SKAP1: variants seen among roughly 807,000 people sequenced by gnomAD.
SKAP1 encodes src kinase associated phosphoprotein 1, also known as src kinase-associated phosphoprotein 1.
SKAP1 carries 44 observed loss-of-function variants against 58.5 expected under a neutral mutation model. That is an observed-to-expected ratio of 0.75 (90% confidence interval 0.59 to 0.97). SKAP1 has a LOEUF of 0.97. Ranked by LOEUF, SKAP1 falls within the 50% of genes least tolerant of loss-of-function variation. The pLI, the probability that SKAP1 is intolerant of heterozygous loss-of-function variation, is 0.00. For synonymous variants in SKAP1, 127 were observed against 149.7 expected (o/e 0.85, Z 1.11); for missense variants, 390 against 435.2 (o/e 0.90, Z 0.92).
rs140162968 is a variant in SKAP1, at chr17:48,225,985, A to G, written c.281-36485T>C. ...GATGTCACTTGGGGAGACCCTTAAC[A>G]AGGCGGTTAGTACAACAGCTGCTGC... is the stretch of plus-strand genomic sequence containing the variant. On this transcript the variant is annotated intron_variant, in intron 4 of 12. Coordinates refer to ENST00000336915, the MANE Select transcript of SKAP1 (RefSeq NM_003726.4). 3.3e-5 allele frequency among the ~76,000 whole-genome samples: 5 copies of G among 152,336 alleles called. No individual in the cohort carries two copies. In the East Asian group the frequency reaches 9.6e-4, roughly 29 times the overall value.
chr17:48,359,806 A>T (rs1005514176), intron 3 of SKAP1, among the ~76,000 whole-genome samples: 2 of 151,944 alleles, frequency 1.3e-5, no homozygotes, highest in African/African-American at 4.8e-5. Flanking sequence ...GGGTCTCACC[A>T]TGTTGCCCAG....
At chr17:48,304,796 T>C (rs747970259) in intron 4 of SKAP1, among the ~76,000 whole-genome samples, 14 of 152,226 alleles carry the variant, frequency 9.2e-5, no homozygotes, top group Non-Finnish European at 1.6e-4. Flanking sequence ...AACCCTACCA[T>C]TGGAGCTAGG....
intron 4 of SKAP1, among the ~76,000 whole-genome samples, chr17:48,190,588 C>T (rs1397564841): frequency 6.6e-6 from 1 of 152,034 alleles, no homozygotes; most frequent in Non-Finnish European, 1.5e-5. Flanking sequence ...TTTCTCTTAA[C>T]AAACAGATAG....
At chr17:48,197,660 C>T (rs2064656494) in intron 4 of SKAP1, among the ~76,000 whole-genome samples, 1 of 152,036 alleles carries the variant, frequency 6.6e-6, no homozygotes, top group African/African-American at 2.4e-5. Context: ...GCCTAGGTGG[C>T]AGAACAAGAC....
chr17:48,248,396 A>G (rs1176106029), intron 4 of SKAP1, among the ~76,000 whole-genome samples: 2 of 151,968 alleles, frequency 1.3e-5, no homozygotes, highest in Non-Finnish European at 2.9e-5. Flanking sequence ...GTGAAACTCA[A>G]TTTCTACTAA....
At chr17:48,170,331 T>C (rs1349856146) in intron 10 of SKAP1, among the ~76,000 whole-genome samples, 2 of 152,172 alleles carry the variant, frequency 1.3e-5, no homozygotes, top group Non-Finnish European at 2.9e-5. Flanking sequence ...ATATAAGAAA[T>C]ATTGATAGGA....
rs147594912 is a variant in SKAP1 at position 48,377,728 on chromosome 17, G to A, written c.153-13914C>T. 6.6e-5 allele frequency among the ~76,000 whole-genome samples: 10 copies of A among 152,294 alleles called. No homozygotes were observed. The East Asian group carries it at 1.7e-3, about 26-fold the overall frequency. ...CCAAGATTAGGATTTTTCTAGGCTT[G>A]TGGGATGAAAAGACAAGAGAATCAG... On this transcript the variant is annotated intron_variant, in intron 2 of 12. Coordinates refer to ENST00000336915, the MANE Select transcript of SKAP1 (RefSeq NM_003726.4).
At chr17:48,313,796 A>G (rs1184133292) in intron 4 of SKAP1, among the ~76,000 whole-genome samples, 1 of 152,182 alleles carries the variant, frequency 6.6e-6, no homozygotes, top group African/African-American at 2.4e-5. Context: ...GGCAATATCA[A>G]TAGAGTTAGT....
chr17:48,171,396 G>A (rs796108263), intron 9 of SKAP1, among the ~76,000 whole-genome samples: 1 of 152,104 alleles, frequency 6.6e-6, no homozygotes, highest in African/African-American at 2.4e-5. Flanking sequence ...GTGAGCCACC[G>A]TGCCTGGCAA....
intron 4 of SKAP1, among the ~76,000 whole-genome samples, chr17:48,320,374 A>G (rs2066345761): frequency 6.6e-6 from 1 of 152,158 alleles, no homozygotes; most frequent in Non-Finnish European, 1.5e-5. Flanking sequence ...TTCAAAAGTA[A>G]ATTTTTTCTT....
chr17:48,390,577 A>G (rs1334195455), intron 2 of SKAP1, among the ~76,000 whole-genome samples: 1 of 152,186 alleles, frequency 6.6e-6, no homozygotes, highest in Non-Finnish European at 1.5e-5. Flanking sequence ...AGTAAAGCAA[A>G]TTTCAGTGAC....
rs780549574 is a variant in SKAP1 at position 48,180,249 on chromosome 17, C to A, written c.632-1G>T. Reference sequence around the variant, plus strand: ...TATGGAATGGTTAAGGAGCTCAGATCTAACAAGGCAAAGATGAGAATGAAT... The same window carrying A: ...TATGGAATGGTTAAGGAGCTCAGATATAACAAGGCAAAGATGAGAATGAAT... On this transcript the variant is annotated splice_acceptor_variant, in intron 8 of 12. Coordinates refer to ENST00000336915, the MANE Select transcript of SKAP1 (RefSeq NM_003726.4). LOFTEE classifies it high-confidence loss of function. The A allele has an allele frequency of 5.1e-6, 8 of 1,558,382 alleles. No homozygotes were observed. Among genetic ancestry groups the A allele is most frequent in the East Asian group, 2.4e-5 (1 of 42,456 alleles).
chr17:48,354,625 C>A (rs1243802428), intron 3 of SKAP1, among the ~76,000 whole-genome samples: 3 of 152,152 alleles, frequency 2.0e-5, no homozygotes, highest in Admixed American at 6.5e-5. Context: ...TTTTATATGT[C>A]ATATAAATCC....
chr17:48,229,013 C>T (rs2065099270), intron 4 of SKAP1, among the ~76,000 whole-genome samples: 1 of 152,112 alleles, frequency 6.6e-6, no homozygotes, highest in Admixed American at 6.5e-5. Flanking sequence ...CTCTCTGCCT[C>T]TTCTCAGCAC....
intron 4 of SKAP1, among the ~76,000 whole-genome samples, chr17:48,324,403 T>C (rs2066405624): frequency 1.3e-5 from 2 of 152,110 alleles, no homozygotes; most frequent in Admixed American, 6.6e-5. Flanking sequence ...ACTATATTAT[T>C]TCCAAGCTTT....
At chr17:48,308,057 T>C (rs2066172933) in intron 4 of SKAP1, 1 of 152,174 alleles carries the variant, frequency 6.6e-6, no homozygotes, top group African/African-American at 2.4e-5. Flanking sequence ...CTTTGCTGAG[T>C]TCTCCAGGCG....
intron 4 of SKAP1, among the ~76,000 whole-genome samples, chr17:48,211,287 AT>A (rs1052060313): frequency 4.6e-5 from 7 of 151,682 alleles, no homozygotes; most frequent in South Asian, 2.1e-4. Flanking sequence ...ATTAAAAAAA[AT>A]TTTTTTTTAA....
At chr17:48,428,718 C>G (rs2067879169) in intron 1 of SKAP1, among the ~76,000 whole-genome samples, 1 of 152,172 alleles carries the variant, frequency 6.6e-6, no homozygotes, top group South Asian at 2.1e-4. Context: ...TTGCCACAGT[C>G]CCTTCTTTCC....
chr17:48,268,283 C>T (rs1238701792), intron 4 of SKAP1, among the ~76,000 whole-genome samples: 37 of 140,198 alleles, frequency 2.6e-4, no homozygotes, highest in African/African-American at 9.6e-4. Flanking sequence ...AACAAAAAAC[C>T]CACACCTGTG....
Sources: gnomAD v4.1 joint callset for allele counts (sites outside exome capture counted in the v4.1 genomes callset) on GRCh38, gnomAD v4.1.1 for gene constraint, MANE v1.5 for transcripts, NCBI Gene and HGNC (gene_info 2026-07-23, HGNC 2026-07-21) for gene names.